The following FANCB variants were observed in gnomAD, a reference collection of about 807,000 sequenced individuals.
FANCB encodes Fanconi anemia group B protein.
A neutral mutation model predicts 38.9 loss-of-function variants in FANCB; 5 were observed. That is an observed-to-expected ratio of 0.13 (90% CI 0.07 to 0.27). FANCB has a LOEUF of 0.27. Ranked by LOEUF, FANCB falls within the 10% of genes least tolerant of loss-of-function variation. The pLI is 1.00. For synonymous variants in FANCB, 236 were observed against 215.4 expected, an observed-to-expected ratio of 1.10 and a Z score of -0.84; for missense variants, 573 against 602.7, an observed-to-expected ratio of 0.95 and a Z score of 0.52.
At chrX:14,698,309 A>G in the FANCB span, among the ~76,000 whole-genome samples, 1 of 111,334 alleles carries the variant, frequency 9.0e-6, no homozygotes, top group Non-Finnish European at 1.9e-5. Context: ...GGGCCCACCT[A>G]GTCATGAACT....
chrX:14,749,801 T>C, the FANCB span, among the ~76,000 whole-genome samples: 2 of 111,825 alleles, frequency 1.8e-5, no homozygotes, highest in African/African-American at 6.5e-5. Context: ...GCATTTCATA[T>C]ATTGGTAATT....
chrX:14,773,154 C>A, the FANCB span, among the ~76,000 whole-genome samples: 160 of 112,333 alleles, frequency 1.4e-3, no homozygotes, highest in African/African-American at 5.1e-3. Context: ...GGATCCCAAT[C>A]TATTTTTCTT....
At chrX:14,699,889 A>C in the FANCB span, among the ~76,000 whole-genome samples, 5 of 111,948 alleles carry the variant, frequency 4.5e-5, no homozygotes, top group Non-Finnish European at 9.4e-5. Context: ...CAGAAAACCA[A>C]ATACCACTCA....
At chrX:14,854,332 G>A (rs1019609655) in intron 5 of FANCB, among the ~76,000 whole-genome samples, 1 of 111,586 alleles carries the variant, frequency 9.0e-6, no homozygotes, top group Non-Finnish European at 1.9e-5. Flanking sequence ...AAAATTGTCA[G>A]TGTTCACTCT....
the FANCB span, among the ~76,000 whole-genome samples, chrX:14,729,806 CTGAATGAATGAA>C: frequency 9.0e-6 from 1 of 111,095 alleles, no homozygotes; most frequent in Non-Finnish European, 1.9e-5. Flanking sequence ...TAAATGTTTT[CTGAATGAATGAA>C]TGAATGAATG....
chrX:14,814,376 G>C, the FANCB span, among the ~76,000 whole-genome samples: 44 of 112,169 alleles, frequency 3.9e-4, no homozygotes, highest in African/African-American at 1.3e-3. Context: ...ACTACCATCA[G>C]AGTGAACAGG....
chrX:14,817,070 G>T, the FANCB span, among the ~76,000 whole-genome samples: 2 of 111,523 alleles, frequency 1.8e-5, no homozygotes, highest in African/African-American at 6.5e-5. Flanking sequence ...TCTTCTATTT[G>T]TGTCTCTGCA....
the FANCB span, among the ~76,000 whole-genome samples, chrX:14,717,609 G>A: frequency 9.1e-6 from 1 of 110,464 alleles, no homozygotes; most frequent in Non-Finnish European, 1.9e-5. Flanking sequence ...GTTGTATATA[G>A]TTATGAGTAC....
At chrX:14,846,291 CA>C (rs1212715800) in intron 7 of FANCB, among the ~76,000 whole-genome samples, 1 of 111,154 alleles carries the variant, frequency 9.0e-6, no homozygotes, top group Non-Finnish European at 1.9e-5. Flanking sequence ...ATGGACTTAC[CA>C]AAACCACAAC....
intron 6 of FANCB, among the ~76,000 whole-genome samples, chrX:14,851,958 G>C (rs1178438501): frequency 8.9e-6 from 1 of 111,912 alleles, no homozygotes; most frequent in Non-Finnish European, 1.9e-5. Context: ...AATCCAGAAG[G>C]AAGTCAGAGC....
chrX:14,828,155 G>A, the FANCB span, among the ~76,000 whole-genome samples: 1 of 112,108 alleles, frequency 8.9e-6, no homozygotes, highest in African/African-American at 3.2e-5. Context: ...TCAGCGAGTT[G>A]TAATTTTTTT....
At chrX:14,759,789 CA>C in the FANCB span, among the ~76,000 whole-genome samples, 1 of 101,851 alleles carries the variant, frequency 9.8e-6, no homozygotes, top group African/African-American at 3.8e-5. Context: ...ACCTATAAAA[CA>C]AAAACACAAT....
At chrX:14,768,648 T>G in the FANCB span, among the ~76,000 whole-genome samples, 4 of 111,844 alleles carry the variant, frequency 3.6e-5, no homozygotes, top group Non-Finnish European at 7.5e-5. Context: ...TTAATATGCT[T>G]TATTTCTTTC....
intron 7 of FANCB, among the ~76,000 whole-genome samples, chrX:14,849,325 C>T (rs1306760614): frequency 9.0e-6 from 1 of 111,326 alleles, no homozygotes; most frequent in Non-Finnish European, 1.9e-5. Flanking sequence ...GATGATCAAC[C>T]AGCCCAAAAC....
chrX:14,810,979 T>C, the FANCB span, among the ~76,000 whole-genome samples: 346 of 111,883 alleles, frequency 3.1e-3, 1 homozygote, highest in African/African-American at 0.01. Context: ...CGGCAGAAAC[T>C]CTACAAGCCA....
At chrX:14,814,202 G>T in the FANCB span, among the ~76,000 whole-genome samples, 1 of 111,555 alleles carries the variant, frequency 9.0e-6, no homozygotes, top group African/African-American at 3.3e-5. Flanking sequence ...TTAAATGTTA[G>T]ACCTAAAACC....
chrX:14,726,321 T>C, the FANCB span, among the ~76,000 whole-genome samples: 3 of 112,155 alleles, frequency 2.7e-5, no homozygotes, highest in East Asian at 8.4e-4. Context: ...ACCATCTCCT[T>C]TGATGTGAAT....
chrX:14,843,840 G>T lies in FANCB; in HGVS notation c.2307C>A (p.Thr769=), dbSNP rs1212010463. 2.5e-6 allele frequency: 3 copies of T among 1,207,565 alleles called. No homozygotes were observed. The highest frequency in any genetic ancestry group is 1.1e-6 in the Non-Finnish European group (1 of 893,772). The part of the protein sequence containing the change: ...MAFTLEKELV[T]LSSLSSAIAK... Reference sequence around the variant, plus strand: ...CTATGGCAGAAGAAAGAGAACTAAGGGTGACTAGTTCCTTCTCCAAAGTAA... The same window carrying T: ...CTATGGCAGAAGAAAGAGAACTAAGTGTGACTAGTTCCTTCTCCAAAGTAA... The change falls in exon 10 of 10, where the codon ACC becomes ACA. Residue 769 remains threonine (T), a synonymous_variant. Transcript: ENST00000650831.
At chrX:14,690,514 TCTGCC>T in the FANCB span, among the ~76,000 whole-genome samples, 8 of 112,122 alleles carry the variant, frequency 7.1e-5, no homozygotes, top group Admixed American at 7.6e-4. Context: ...CTTTCAGTGC[TCTGCC>T]CAGAATCTTC....
Sources: allele counts gnomAD v4.1 joint callset (sites outside exome capture counted in the v4.1 genomes callset), GRCh38; gene constraint gnomAD v4.1.1; transcripts MANE v1.5; gene names NCBI Gene and HGNC (gene_info 2026-07-23, HGNC 2026-07-21).